Variants in AIG1 observed in about 807,000 individuals in gnomAD.
AIG1 encodes androgen-induced gene 1 protein.
A neutral mutation model predicts 31.4 loss-of-function variants in AIG1; 23 were observed. That is an observed-to-expected ratio of 0.73 (90% confidence interval 0.53 to 1.04). The LOEUF is 1.04. Among genes scored for constraint, AIG1 ranks in the 50% least tolerant of loss-of-function variants. The pLI is 0.00. For synonymous variants in AIG1, 100 were observed against 110.5 expected, an observed-to-expected ratio of 0.90 and a Z score of 0.60; for missense variants, 274 against 295.0, an observed-to-expected ratio of 0.93 and a Z score of 0.52.
intron 3 of AIG1, among the ~76,000 whole-genome samples, chr6:143,240,007 A>T (rs549503558): frequency 6.6e-6 from 1 of 152,244 alleles, no homozygotes; most frequent in South Asian, 2.1e-4. Context: ...CCCATCTAAA[A>T]TGGACAAAGA....
chr6:143,124,270 T>C (rs894399706), intron 1 of AIG1, among the ~76,000 whole-genome samples: 1 of 152,224 alleles, frequency 6.6e-6, no homozygotes, highest in African/African-American at 2.4e-5. Flanking sequence ...GGGCCTCTCT[T>C]ACTGTTTTCA....
intron 1 of AIG1, among the ~76,000 whole-genome samples, chr6:143,074,184 G>A (rs1484896275): frequency 1.3e-5 from 2 of 152,158 alleles, no homozygotes; most frequent in African/African-American, 4.8e-5. Context: ...TTCCCAATTT[G>A]TAAGTTGCCA....
chr6:143,063,016 A>C (rs1776390694), intron 1 of AIG1, among the ~76,000 whole-genome samples: 1 of 152,236 alleles, frequency 6.6e-6, no homozygotes, highest in South Asian at 2.1e-4. Context: ...AGGGGTCAGC[A>C]GGTGAACAGA....
chr6:143,274,578 A>G (rs1463231361), intron 3 of AIG1, among the ~76,000 whole-genome samples: 1 of 152,228 alleles, frequency 6.6e-6, no homozygotes, highest in Non-Finnish European at 1.5e-5. Context: ...GAGAGACTTT[A>G]AATTTTTATT....
chr6:143,149,550 A>G (rs1038203950), intron 2 of AIG1, among the ~76,000 whole-genome samples: 7 of 151,292 alleles, frequency 4.6e-5, no homozygotes, highest in Non-Finnish European at 1.0e-4. Flanking sequence ...AAAAAAAAAA[A>G]AAAAAAAGAA....
chr6:143,296,507 T>G (rs893098451), intron 4 of AIG1, among the ~76,000 whole-genome samples: 20 of 152,162 alleles, frequency 1.3e-4, no homozygotes, highest in Non-Finnish European at 1.2e-4. Flanking sequence ...GGGACCCCTA[T>G]CCTGCCCAGT....
chr6:143,191,722 G>A (rs1289684165), intron 3 of AIG1, among the ~76,000 whole-genome samples: 2 of 152,140 alleles, frequency 1.3e-5, no homozygotes, highest in African/African-American at 2.4e-5. Context: ...GAAAGAAAGG[G>A]AAAGGGAGAG....
chr6:143,145,024 A>C (rs1463598296), intron 2 of AIG1, among the ~76,000 whole-genome samples: 1 of 152,040 alleles, frequency 6.6e-6, no homozygotes, highest in Non-Finnish European at 1.5e-5. Flanking sequence ...CAGTATTTTC[A>C]TATTTTGTAG....
In AIG1 at chr6:143,160,152, A is replaced by C. The variant is rs75548415; in HGVS notation, c.298-4930A>C. ...CCTCCCTCAACAGTGAATGTTTGAGATGATGCTATCCAGCCTTTATAGACC... is the reference window on the plus strand; with the variant it reads ...CCTCCCTCAACAGTGAATGTTTGAGCTGATGCTATCCAGCCTTTATAGACC... On this transcript the variant is annotated intron_variant, in intron 2 of 5. Transcript: ENST00000357847. 3.2e-3 allele frequency among the ~76,000 whole-genome samples: 494 copies of C among 152,270 alleles called. 15 individuals carry two copies. The East Asian group carries it at 0.062, about 19-fold the overall frequency.
chr6:143,269,985 C>T (rs1436442880), intron 3 of AIG1, among the ~76,000 whole-genome samples: 1 of 152,146 alleles, frequency 6.6e-6, no homozygotes, highest in African/African-American at 2.4e-5. Flanking sequence ...AGTATTTAAA[C>T]TCAGAGTTTA....
chr6:143,181,840 A>T (rs1457078194), intron 3 of AIG1, among the ~76,000 whole-genome samples: 1 of 152,158 alleles, frequency 6.6e-6, no homozygotes, highest in Non-Finnish European at 1.5e-5. Context: ...ACGGCCATAG[A>T]AAAGAGGAAG....
intron 3 of AIG1, among the ~76,000 whole-genome samples, chr6:143,237,677 C>T (rs982280105): frequency 1.3e-5 from 2 of 152,168 alleles, no homozygotes; most frequent in Non-Finnish European, 1.5e-5. Flanking sequence ...CTACTCTAAC[C>T]GAACCTAGCT....
At position 143,155,576 on chromosome 6, in the gene AIG1, G is replaced by T. The variant is rs117815235; in HGVS notation, c.298-9506G>T. Reference sequence around the variant, plus strand: ...AGGCCGGTGTTACAAGCACAGTGTTGTGGGGGTCAAGGAGAGAAGTATGTC... The same window carrying T: ...AGGCCGGTGTTACAAGCACAGTGTTTTGGGGGTCAAGGAGAGAAGTATGTC... On this transcript the variant is annotated intron_variant, in intron 2 of 5. Transcript: ENST00000357847. Among the ~76,000 whole-genome samples the T allele has an allele frequency of 2.9e-3, 446 of 152,280 alleles. 13 individuals carry two copies. In the East Asian group the frequency reaches 0.053, roughly 18 times the overall value.
At chr6:143,224,839 A>G (rs1018983047) in intron 3 of AIG1, among the ~76,000 whole-genome samples, 2 of 152,138 alleles carry the variant, frequency 1.3e-5, no homozygotes, top group Non-Finnish European at 2.9e-5. Context: ...ATGTTCTCCC[A>G]ACCAGGTTCC....
At chr6:143,233,643 G>T (rs1182263609) in intron 3 of AIG1, among the ~76,000 whole-genome samples, 1 of 151,824 alleles carries the variant, frequency 6.6e-6, no homozygotes, top group Non-Finnish European at 1.5e-5. Flanking sequence ...CAGAAGTGAG[G>T]TATAGAAATA....
intron 3 of AIG1, among the ~76,000 whole-genome samples, chr6:143,252,035 A>G (rs1018468727): frequency 6.6e-6 from 1 of 152,162 alleles, no homozygotes; most frequent in African/African-American, 2.4e-5. Context: ...GAAAGCAGAT[A>G]TTTATGTGAG....
chr6:143,089,566 C>T (rs940649725), intron 1 of AIG1, among the ~76,000 whole-genome samples: 3 of 152,096 alleles, frequency 2.0e-5, no homozygotes, highest in African/African-American at 4.8e-5. Flanking sequence ...TAAAGGAATA[C>T]CTGAGATGGG....
intron 1 of AIG1, among the ~76,000 whole-genome samples, chr6:143,074,820 A>C (rs1175793323): frequency 6.6e-6 from 1 of 152,106 alleles, no homozygotes; most frequent in East Asian, 1.9e-4. Flanking sequence ...ATTTGTCAAT[A>C]GTGTGTTTTT....
At chr6:143,141,623 A>G (rs1784253596) in intron 2 of AIG1, among the ~76,000 whole-genome samples, 1 of 152,190 alleles carries the variant, frequency 6.6e-6, no homozygotes, top group Non-Finnish European at 1.5e-5. Flanking sequence ...GCCGGAAACC[A>G]CCACCACTCC....
Sources: gnomAD v4.1 joint callset for allele counts (sites outside exome capture counted in the v4.1 genomes callset) on GRCh38, gnomAD v4.1.1 for gene constraint, MANE v1.5 for transcripts, NCBI Gene and HGNC (gene_info 2026-07-23, HGNC 2026-07-21) for gene names.